The following MPP3 variants were observed in gnomAD, a reference collection of about 807,000 sequenced individuals.
MPP3 encodes the protein MAGUK p55 scaffold protein 3, also known as MAGUK p55 subfamily member 3.
Under a neutral mutation model 80.7 loss-of-function variants are expected in MPP3, and 48 were observed. The ratio of observed to expected loss-of-function variants is 0.59; its 90% CI spans 0.47 to 0.76. The LOEUF (loss-of-function observed/expected upper bound fraction) is 0.76. Among genes scored for constraint, MPP3 ranks in the 30% least tolerant of loss-of-function variants. MPP3 has a pLI of 0.00. For missense variants in MPP3, 620 were observed against 763.0 expected (o/e 0.81, Z 2.21); for synonymous variants, 311 against 297.6 (o/e 1.04, Z -0.46).
intron 5 of MPP3, 131 bp downstream of exon 5, chr17:43,831,113 G>A: frequency 1.2e-6 from 1 of 807,006 alleles, no homozygotes; most frequent in East Asian, 2.5e-5. Flanking sequence ...GGAGGACAAG[G>A]GAAGAAAACA....
At chr17:43,812,032 G>C (rs1274367800) in intron 16 of MPP3, among the ~76,000 whole-genome samples, 1 of 152,208 alleles carries the variant, frequency 6.6e-6, no homozygotes, top group East Asian at 1.9e-4. Context: ...TAGTCAATTA[G>C]TTCTCATCTC....
At chr17:43,832,047 G>C in intron 2 of MPP3, 104 bp from the exon 3 acceptor site, 1 of 750,694 alleles carries the variant, frequency 1.3e-6, no homozygotes, top group South Asian at 1.6e-5. Context: ...GCTGTGGACA[G>C]AGAGGATGGG....
intron 19 of MPP3, among the ~76,000 whole-genome samples, chr17:43,806,051 G>A (rs2044598939): frequency 1.3e-5 from 2 of 152,092 alleles, no homozygotes; most frequent in African/African-American, 4.8e-5. Context: ...GCGTTTTAGT[G>A]TATTTTGTGT....
chr17:43,817,823 A>T, intron 12 of MPP3: 14 of 379,244 alleles, frequency 3.7e-5, no homozygotes, highest in Middle Eastern at 7.4e-4. Context: ...CTGTTAACAT[A>T]CCCCCCAGCA....
At chr17:43,826,878 C>T (rs546493977) in intron 8 of MPP3, among the ~76,000 whole-genome samples, 1 of 150,292 alleles carries the variant, frequency 6.7e-6, no homozygotes, top group East Asian at 1.9e-4. Flanking sequence ...CTGCGTCGCC[C>T]ACTCTAGAGT....
At chr17:43,818,633 G>A (rs1485848594) in intron 11 of MPP3, among the ~76,000 whole-genome samples, 1 of 152,144 alleles carries the variant, frequency 6.6e-6, no homozygotes, top group Non-Finnish European at 1.5e-5. Flanking sequence ...ACATTTAAAT[G>A]CAGCTGAAGG....
rs553331974 is a variant in MPP3 at position 43,806,855 on chromosome 17, G to A, written c.1581+2101C>T. 2.5e-3 allele frequency among the ~76,000 whole-genome samples: 375 copies of A among 152,242 alleles called. 1 individual carries two copies. Among genetic ancestry groups the A allele is most frequent in the Admixed American group, 3.7e-3 (57 of 15,290 alleles). The stretch of plus-strand genomic sequence containing the variant: ...ACTCCTGACCTCAGGTGATCCACCC[G>A]CCTTGGCCCTCCAAAGTGTTGGGAT... On this transcript the variant is annotated intron_variant, in intron 19 of 19. Coordinates refer to ENST00000398389, the MANE Select transcript of MPP3 (RefSeq NM_001932.6).
Position 43,801,658 on chromosome 17 carries a change from T to G in MPP3, c.*43A>C, listed in dbSNP as rs2044411769. On this transcript the variant is annotated 3_prime_UTR_variant, in exon 20 of 20. Transcript: ENST00000398389. ...GTAAAATGAGGGAGTCTGGACTAGA[T>G]GATCTTCAAGGTCCCGTCCAGCTTG... 1.3e-6 allele frequency: 2 copies of G among 1,583,992 alleles called. No homozygotes were observed. Among genetic ancestry groups the G allele is most frequent in the Non-Finnish European group, 8.7e-7 (1 of 1,154,012 alleles).
chr17:43,831,847 G>A (rs781205436), intron 3 of MPP3, 35 bp downstream of exon 3: 1 of 1,587,672 alleles, frequency 6.3e-7, no homozygotes, highest in Non-Finnish European at 8.6e-7. Flanking sequence ...TTGTCTTCAG[G>A]ACTGTGGCAG....
chr17:43,827,453 C>T (rs563648949), intron 8 of MPP3, among the ~76,000 whole-genome samples: 20 of 151,664 alleles, frequency 1.3e-4, no homozygotes, highest in Admixed American at 8.5e-4. Context: ...TGGGGTTTCG[C>T]CATGTTGGCT....
chr17:43,803,545 G>A (rs2044499300), intron 19 of MPP3, among the ~76,000 whole-genome samples: 2 of 152,160 alleles, frequency 1.3e-5, no homozygotes, highest in African/African-American at 4.8e-5. Context: ...TCAGAAGCCA[G>A]AAGCCCCATT....
chr17:43,830,109 T>C lies in MPP3; in HGVS notation c.223-2A>G. ...GGCGGCCTGCAACTCCTCCATCACC[T>C]GCAGAGAATGAGACAGGCGCCACTG... On this transcript the variant is annotated splice_acceptor_variant, in intron 5 of 19. Transcript: ENST00000398389. LOFTEE classifies it high-confidence loss of function. 6.5e-7 allele frequency: 1 copy of C among 1,533,672 alleles called. No individual in the cohort carries two copies. The highest frequency in any genetic ancestry group is 8.8e-7 in the Non-Finnish European group (1 of 1,141,198).
Position 43,818,162 on chromosome 17 carries a change from C to A in MPP3, c.882-52G>T, listed in dbSNP as rs774768232. The A allele has an allele frequency of 4.3e-6, 6 of 1,411,220 alleles. No individual in the cohort carries two copies. The Admixed American group carries it at 1.8e-4, about 41-fold the overall frequency. 87.4% of individuals were successfully genotyped at this position (1,411,220 alleles called of 1,614,324 possible). On this transcript the variant is annotated intron_variant, in intron 11 of 19. Coordinates refer to ENST00000398389, the MANE Select transcript of MPP3 (RefSeq NM_001932.6). ...GCCCGTGAGCTGGGCCAGATAACCA[C>A]TTGAAAGGAACCTTCTGGAAAACTT...
chr17:43,825,820 T>C lies in MPP3; in HGVS notation c.545A>G (p.Glu182Gly), dbSNP rs1206832511. Residue 182 changes from glutamate (E) to glycine (G), a missense_variant, in exon 9 of 20, where the codon GAG (glutamate) becomes GGG (glycine). Physicochemically the swap from Glu to Gly is moderately conservative, Grantham distance 98 (BLOSUM62 -2). Transcript: ENST00000398389. ...DRSGLVHVGDELREVNGIAVL... is the reference protein window; with the variant it reads ...DRSGLVHVGDGLREVNGIAVL... ...TGCGATCCCGTTCACTTCTCGGAGC[T>C]CATCTCCAACGTGGACCAGGCCTAG... 1 of 1,612,030 alleles carries C rather than the reference T, an allele frequency of 6.2e-7. No homozygotes were observed. The highest frequency in any genetic ancestry group is 8.5e-7 in the Non-Finnish European group (1 of 1,178,248).
Position 43,829,803 on chromosome 17 carries a change from G to A in MPP3, c.304-12C>T, listed in dbSNP as rs753726215. On this transcript the variant is annotated splice_polypyrimidine_tract_variant and intron_variant, in intron 6 of 19. Coordinates refer to ENST00000398389, the MANE Select transcript of MPP3 (RefSeq NM_001932.6). ...ACCATGAGCACAGCCTGCCGGGAAAGCCAGAGAAAAGGAAGGCTGGCCCGC... is the reference window on the plus strand; with the variant it reads ...ACCATGAGCACAGCCTGCCGGGAAAACCAGAGAAAAGGAAGGCTGGCCCGC... 1 of 1,611,666 alleles carries A rather than the reference G, an allele frequency of 6.2e-7. No individual in the cohort carries two copies. The highest frequency in any genetic ancestry group is 8.5e-7 in the Non-Finnish European group (1 of 1,179,540).
In MPP3 at chr17:43,817,997, C is replaced by A. The variant is rs1450252807; in HGVS notation, c.946+49G>T. The A allele has an allele frequency of 2.6e-6, 4 of 1,517,410 alleles. No individual in the cohort carries two copies. In the African/African-American group the frequency reaches 5.6e-5, roughly 21 times the overall value. The allele number at this position is 1,517,410 out of a possible 1,614,324, so 94.0% of individuals were successfully genotyped here. A position where few individuals can be genotyped will look rare whatever the true frequency, so the allele number is the denominator to read the frequency against. ...TCTTCCCAGCCTGAATCCTCCCTCGCCCTAACCCCGGGCCCTCCCTGGAGT... is the reference window on the plus strand; with the variant it reads ...TCTTCCCAGCCTGAATCCTCCCTCGACCTAACCCCGGGCCCTCCCTGGAGT... On this transcript the variant is annotated intron_variant, in intron 12 of 19. Transcript: ENST00000398389.
intron 16 of MPP3, among the ~76,000 whole-genome samples, chr17:43,812,926 G>T (rs1011585486): frequency 1.3e-5 from 2 of 152,144 alleles, no homozygotes; most frequent in African/African-American, 4.8e-5. Context: ...CTTCAGATTG[G>T]GCTGTGGAAG....
chr17:43,808,840 G>T, intron 19 of MPP3, 116 bp downstream of exon 19: 1 of 1,188,448 alleles, frequency 8.4e-7, no homozygotes, highest in Non-Finnish European at 1.2e-6. Flanking sequence ...ACAATCACAT[G>T]TAGAAGGTGT....
At chr17:43,826,071 C>T (rs1192838545) in intron 8 of MPP3, among the ~76,000 whole-genome samples, 1 of 152,250 alleles carries the variant, frequency 6.6e-6, no homozygotes, top group Non-Finnish European at 1.5e-5. Context: ...CAAGTTGGCA[C>T]CTGAGACCCA....
Sources: gnomAD v4.1 joint callset for allele counts (sites outside exome capture counted in the v4.1 genomes callset) on GRCh38, gnomAD v4.1.1 for gene constraint, MANE v1.5 for transcripts, NCBI Gene and HGNC (gene_info 2026-07-23, HGNC 2026-07-21) for gene names.